The following LRRTM4 variants were observed in gnomAD, a reference collection of about 807,000 sequenced individuals.
LRRTM4 encodes leucine rich repeat transmembrane neuronal 4, also known as leucine-rich repeat transmembrane neuronal protein 4.
A neutral mutation model predicts 47.6 loss-of-function variants in LRRTM4; 25 were observed. The ratio of observed to expected loss-of-function variants is 0.53; its 90% CI spans 0.38 to 0.73. LRRTM4 has a LOEUF of 0.73. LRRTM4 is among the 30% of genes least tolerant of loss of function. The probability of loss-of-function intolerance (pLI) is 0.00; values close to 1 mark genes in which losing one functional copy is unlikely to be tolerated. For missense variants in LRRTM4, 638 were observed against 713.4 expected, an observed-to-expected ratio of 0.89 and a Z score of 1.20; for synonymous variants, 311 against 269.5, an observed-to-expected ratio of 1.15 and a Z score of -1.51.
chr2:76,836,483 T>G (rs894945765), intron 3 of LRRTM4, among the ~76,000 whole-genome samples: 2 of 152,040 alleles, frequency 1.3e-5, no homozygotes, highest in Non-Finnish European at 2.9e-5. Context: ...CTTCGTTTTC[T>G]TTCATATATC....
intron 3 of LRRTM4, among the ~76,000 whole-genome samples, chr2:77,057,730 T>C (rs963373273): frequency 2.0e-5 from 3 of 152,164 alleles, no homozygotes; most frequent in Admixed American, 1.3e-4. Context: ...AGCTTTCATA[T>C]GCTTTAGATA....
At chr2:77,218,695 C>T (rs1185409742) in intron 3 of LRRTM4, among the ~76,000 whole-genome samples, 2 of 152,068 alleles carry the variant, frequency 1.3e-5, no homozygotes, top group East Asian at 3.9e-4. Context: ...TTGAAGATTT[C>T]TCCTAACATA....
At chr2:77,363,145 T>C (rs1672306113) in intron 3 of LRRTM4, among the ~76,000 whole-genome samples, 1 of 152,176 alleles carries the variant, frequency 6.6e-6, no homozygotes, top group African/African-American at 2.4e-5. Flanking sequence ...TTAACTACAG[T>C]GTTATTTGTC....
At chr2:77,043,594 G>A (rs2103747966) in intron 3 of LRRTM4, among the ~76,000 whole-genome samples, 1 of 151,940 alleles carries the variant, frequency 6.6e-6, no homozygotes, top group Non-Finnish European at 1.5e-5. Context: ...AGAAGAGAGA[G>A]AAAGAGTTAA....
intron 3 of LRRTM4, among the ~76,000 whole-genome samples, chr2:77,020,077 T>C (rs537559489): frequency 1.3e-5 from 2 of 152,256 alleles, no homozygotes; most frequent in East Asian, 3.9e-4. Context: ...AGGATGTGTC[T>C]AGGATAGATA....
rs867958325 is a variant in LRRTM4 at position 77,091,752 on chromosome 2, A to T, written c.1552-342836T>A. 1.6e-4 allele frequency among the ~76,000 whole-genome samples: 24 copies of T among 149,954 alleles called. No individual in the cohort carries two copies. The South Asian group carries it at 1.7e-3, about 11-fold the overall frequency. On this transcript the variant is annotated intron_variant, in intron 3 of 3. Coordinates refer to ENST00000409884, the MANE Select transcript of LRRTM4 (RefSeq NM_001134745.3). ...TACTGCCTGCCGCAAAGCTTCACAG[A>T]CAGCCCCCATTACTTCAATCAAGCC... is the stretch of plus-strand genomic sequence containing the variant.
chr2:76,768,888 G>T (rs113162396), intron 3 of LRRTM4, among the ~76,000 whole-genome samples: 387 of 152,120 alleles, frequency 2.5e-3, no homozygotes, highest in African/African-American at 9.0e-3. Flanking sequence ...TTATTTGTAG[G>T]CTATAGAATG....
intron 3 of LRRTM4, among the ~76,000 whole-genome samples, chr2:77,188,939 A>C (rs1367908285): frequency 1.3e-5 from 2 of 152,126 alleles, no homozygotes; most frequent in African/African-American, 4.8e-5. Context: ...CAGCTTCTCT[A>C]TCTCAGTCTT....
intron 3 of LRRTM4, among the ~76,000 whole-genome samples, chr2:77,069,224 G>T (rs866952409): frequency 2.0e-5 from 3 of 152,006 alleles, no homozygotes; most frequent in Non-Finnish European, 4.4e-5. Context: ...GGGTCTCCCC[G>T]ACCGAGTTGG....
At chr2:76,801,265 A>T (rs1484195800) in intron 3 of LRRTM4, among the ~76,000 whole-genome samples, 1 of 152,140 alleles carries the variant, frequency 6.6e-6, no homozygotes, top group Non-Finnish European at 1.5e-5. Flanking sequence ...GAACCAACCC[A>T]AATGTCCAAC....
At chr2:76,996,621 C>T (rs1185708641) in intron 3 of LRRTM4, among the ~76,000 whole-genome samples, 1 of 152,064 alleles carries the variant, frequency 6.6e-6, no homozygotes, top group African/African-American at 2.4e-5. Flanking sequence ...CAAATATTCT[C>T]TTGCCTAGAA....
intron 3 of LRRTM4, among the ~76,000 whole-genome samples, chr2:77,368,181 T>C (rs1406430618): frequency 1.3e-5 from 2 of 151,760 alleles, no homozygotes; most frequent in East Asian, 3.9e-4. Context: ...CAGGAACAGG[T>C]GTGGGCAGGT....
intron 3 of LRRTM4, among the ~76,000 whole-genome samples, chr2:77,024,714 T>C (rs1260433066): frequency 1.3e-5 from 2 of 152,166 alleles, no homozygotes; most frequent in African/African-American, 4.8e-5. Context: ...CAAAATTACA[T>C]GTATGAACCA....
chr2:77,125,219 G>T (rs1205145599), intron 3 of LRRTM4, among the ~76,000 whole-genome samples: 1 of 152,108 alleles, frequency 6.6e-6, no homozygotes, highest in Non-Finnish European at 1.5e-5. Context: ...CTTCACAAAA[G>T]AAATCCATAT....
intron 3 of LRRTM4, among the ~76,000 whole-genome samples, chr2:76,811,493 C>T (rs1670732178): frequency 6.6e-6 from 1 of 152,104 alleles, no homozygotes; most frequent in Non-Finnish European, 1.5e-5. Flanking sequence ...CAGACCATCG[C>T]CTCTACTCTA....
chr2:77,083,789 T>TG (rs1558569748), intron 3 of LRRTM4, among the ~76,000 whole-genome samples: 188 of 51,672 alleles, frequency 3.6e-3, no homozygotes, highest in African/African-American at 0.024. Flanking sequence ...CACACTTTTT[T>TG]TTTTTTTTTT....
At chr2:77,366,590 T>C (rs1490442778) in intron 3 of LRRTM4, among the ~76,000 whole-genome samples, 1 of 151,794 alleles carries the variant, frequency 6.6e-6, no homozygotes, top group Admixed American at 6.6e-5. Flanking sequence ...CTTGGATGTC[T>C]CAAAAGCCAC....
intron 3 of LRRTM4, among the ~76,000 whole-genome samples, chr2:77,402,585 T>C (rs1030387888): frequency 6.6e-6 from 1 of 152,064 alleles, no homozygotes; most frequent in African/African-American, 2.4e-5. Flanking sequence ...CATTCAGTGT[T>C]ACCTGAATGT....
At chr2:77,444,418 A>G (rs1675967991) in intron 3 of LRRTM4, among the ~76,000 whole-genome samples, 1 of 152,082 alleles carries the variant, frequency 6.6e-6, no homozygotes. Flanking sequence ...TATGACGGAG[A>G]TATTTCCTTC....
Sources: gnomAD v4.1 joint callset for allele counts (sites outside exome capture counted in the v4.1 genomes callset) on GRCh38, gnomAD v4.1.1 for gene constraint, MANE v1.5 for transcripts, NCBI Gene and HGNC (gene_info 2026-07-23, HGNC 2026-07-21) for gene names.